TACC1: variants seen among roughly 807,000 people sequenced by gnomAD.
The protein encoded by TACC1 is transforming acidic coiled-coil containing protein 1.
A neutral mutation model predicts 84.4 loss-of-function variants in TACC1; 48 were observed. The observed-to-expected ratio is 0.57, with a 90% CI of 0.45 to 0.72. The LOEUF (loss-of-function observed/expected upper bound fraction) is 0.72, where lower values mean the gene tolerates loss of function less well. Ranked by LOEUF, TACC1 falls within the 30% of genes least tolerant of loss-of-function variation. The pLI is 0.00. For synonymous variants in TACC1, 372 were observed against 376.3 expected, an observed-to-expected ratio of 0.99 and a Z score of 0.13; for missense variants, 920 against 973.0, an observed-to-expected ratio of 0.95 and a Z score of 0.72.
chr8:38,814,618 A>G (rs1195441778), intron 2 of TACC1, among the ~76,000 whole-genome samples: 1 of 152,196 alleles, frequency 6.6e-6, no homozygotes, highest in African/African-American at 2.4e-5. Flanking sequence ...CAATGATGAA[A>G]TCACCTAATG....
In TACC1 at chr8:38,827,329, T is replaced by C. The variant is rs1472088119; in HGVS notation, c.1614T>C (p.Asn538=). The C allele has an allele frequency of 6.2e-7, 1 of 1,614,108 alleles. No individual in the cohort carries two copies. Among genetic ancestry groups the C allele is most frequent in the African/African-American group, 1.3e-5 (1 of 74,942 alleles). ...ACCTGGAGTACTTTGAATGTTCCAA[T>C]GTTCCTGTGTCTACCATAAATCATG... ...EEDLEYFECS[N]VPVSTINHAF... is the part of the protein sequence containing the mutation. The change falls in exon 5 of 13, where the codon AAT becomes AAC. Residue 538 remains asparagine (N), a synonymous_variant. Coordinates refer to ENST00000317827, the MANE Select transcript of TACC1 (RefSeq NM_006283.3).
rs543991993 is a variant in TACC1, at chr8:38,800,667, C to T, written c.277+11848C>T. Among the ~76,000 whole-genome samples, 20 of 152,198 alleles carry T rather than the reference C, an allele frequency of 1.3e-4. 1 individual carries two copies. The South Asian group carries it at 2.1e-3, about 16-fold the overall frequency. ...TTTTATTTACCCGTTTATTGGTTGA[C>T]GGACATTTGGGTTATTTACACTTTT... On this transcript the variant is annotated intron_variant, in intron 2 of 12. Coordinates refer to ENST00000317827, the MANE Select transcript of TACC1 (RefSeq NM_006283.3).
intron 9 of TACC1, among the ~76,000 whole-genome samples, chr8:38,841,227 C>T (rs542705475): frequency 2.6e-5 from 4 of 152,240 alleles, no homozygotes; most frequent in African/African-American, 7.2e-5. Flanking sequence ...TCACAGTCAG[C>T]GGCACTTTGG....
At chr8:38,782,828 G>A (rs952282344), upstream of TACC1, among the ~76,000 whole-genome samples, 4 of 152,072 alleles carry the variant, frequency 2.6e-5, no homozygotes, top group Non-Finnish European at 5.9e-5. Context: ...TGTGGTGGTT[G>A]GTGGGAAGAA....
Position 38,787,627 on chromosome 8 carries a change from G to C in TACC1, c.45G>C (p.Ala15=), listed in dbSNP as rs762958172. 1.8e-5 allele frequency: 28 copies of C among 1,547,782 alleles called. No homozygotes were observed. Among genetic ancestry groups the C allele is most frequent in the African/African-American group, 2.8e-5 (2 of 72,668 alleles). ...AGATCCTGTCCCCCGTGCAGTGGGC[G>C]AAATGGACGTGGTCTGCGGTACGCG... ...PWQILSPVQW[A]KWTWSAVRGG... Residue 15 remains alanine, a synonymous_variant, in exon 1 of 13, where the codon GCG becomes GCC. Transcript: ENST00000317827.
intron 2 of TACC1, among the ~76,000 whole-genome samples, chr8:38,809,478 G>A (rs1823560104): frequency 6.6e-6 from 1 of 152,072 alleles, no homozygotes; most frequent in Non-Finnish European, 1.5e-5. Flanking sequence ...CCCCATCACT[G>A]ATTGGTGCAC....
At chr8:38,768,620 C>A in intron 3 of TACC1, among the ~76,000 whole-genome samples, 1 of 152,076 alleles carries the variant, frequency 6.6e-6, no homozygotes, top group Non-Finnish European at 1.5e-5. Flanking sequence ...GGTCCAGGGG[C>A]TGAGCAAGAA....
chr8:38,846,541 AT>A (rs1832330809), intron 11 of TACC1, 157 bp from the exon 12 acceptor site: 8 of 735,526 alleles, frequency 1.1e-5, no homozygotes, highest in Non-Finnish European at 1.7e-5. Flanking sequence ...TTAAAATGGA[AT>A]TATTTAGGTC....
At chr8:38,769,088 GGTGT>G (rs369153863) in intron 3 of TACC1, among the ~76,000 whole-genome samples, 69 of 146,334 alleles carry the variant, frequency 4.7e-4, no homozygotes, top group Non-Finnish European at 9.4e-4. Context: ...GTGACTGTGT[GGTGT>G]GTGTGTGTGT....
At chr8:38,841,001 A>G (rs1831173229) in intron 9 of TACC1, among the ~76,000 whole-genome samples, 1 of 152,214 alleles carries the variant, frequency 6.6e-6, no homozygotes, top group Non-Finnish European at 1.5e-5. Context: ...GTGAGCCGAG[A>G]TCGTGCCACT....
upstream of TACC1, chr8:38,785,526 A>T: frequency 4.3e-6 from 1 of 232,132 alleles, no homozygotes; most frequent in Non-Finnish European, 7.1e-6. Flanking sequence ...GGAGTTATTT[A>T]CAGTAGATCA....
intron 2 of TACC1, among the ~76,000 whole-genome samples, chr8:38,800,511 GAATA>G (rs1821098626): frequency 6.6e-6 from 1 of 152,128 alleles, no homozygotes; most frequent in Non-Finnish European, 1.5e-5. Flanking sequence ...TGGAGTAGTA[GAATA>G]TGTAGTCTTG....
At chr8:38,807,027 GGTTTGTTATAAAGGAT>G (rs1822924076) in intron 2 of TACC1, among the ~76,000 whole-genome samples, 1 of 152,094 alleles carries the variant, frequency 6.6e-6, no homozygotes, top group African/African-American at 2.4e-5. Flanking sequence ...AAAGTTTACT[GGTTTGTTATAAAGGAT>G]ACAACTCAGA....
chr8:38,767,937 C>T (rs1338254462), intron 3 of TACC1, among the ~76,000 whole-genome samples: 2 of 151,872 alleles, frequency 1.3e-5, no homozygotes, highest in South Asian at 2.1e-4. Context: ...GATGTGTTGT[C>T]GGCGCCTGTG....
intron 12 of TACC1, 47 bp from the exon 13 acceptor site, chr8:38,847,908 T>A (rs754976183): frequency 2.6e-6 from 4 of 1,547,594 alleles, no homozygotes; most frequent in African/African-American, 2.7e-5. Flanking sequence ...TTTGCCTTTA[T>A]TTCAGAATAC....
chr8:38,833,017 A>G (rs1250616665), intron 6 of TACC1, among the ~76,000 whole-genome samples: 1 of 152,236 alleles, frequency 6.6e-6, no homozygotes, highest in Non-Finnish European at 1.5e-5. Context: ...CAAACATGAA[A>G]TAAAGCCCTT....
intron 7 of TACC1, among the ~76,000 whole-genome samples, chr8:38,837,027 C>T (rs1373073259): frequency 6.6e-6 from 1 of 151,172 alleles, no homozygotes; most frequent in Non-Finnish European, 1.5e-5. Context: ...TCTAAAATAG[C>T]ATCAAGTTGG....
chr8:38,829,811 A>G (rs1287497812), intron 5 of TACC1, among the ~76,000 whole-genome samples: 1 of 152,234 alleles, frequency 6.6e-6, no homozygotes, highest in Non-Finnish European at 1.5e-5. Flanking sequence ...GTTACATTGT[A>G]ACTGATCAGC....
intron 12 of TACC1, among the ~76,000 whole-genome samples, 181 bp downstream of exon 12, chr8:38,847,000 A>G (rs1168190677): frequency 6.6e-6 from 1 of 152,228 alleles, no homozygotes; most frequent in Non-Finnish European, 1.5e-5. Flanking sequence ...TAAATTTTCA[A>G]GCACATCATG....
Sources: gnomAD v4.1 joint callset for allele counts (sites outside exome capture counted in the v4.1 genomes callset) on GRCh38, gnomAD v4.1.1 for gene constraint, MANE v1.5 for transcripts, NCBI Gene and HGNC (gene_info 2026-07-23, HGNC 2026-07-21) for gene names.